TAFA4: variants seen among roughly 807,000 people sequenced by gnomAD.
TAFA4 encodes the protein TAFA chemokine like family member 4.
In TAFA4, 20 loss-of-function variants were observed where a neutral mutation model predicts 21.1. The observed-to-expected ratio is 0.95, with a 90% confidence interval of 0.67 to 1.38. The LOEUF is 1.38. Ranked by LOEUF, TAFA4 falls within the 40% of genes most tolerant of loss-of-function variation. TAFA4 has a pLI of 0.00. For synonymous variants in TAFA4, 71 were observed against 67.4 expected, an observed-to-expected ratio of 1.05 and a Z score of -0.26; for missense variants, 211 against 180.9, an observed-to-expected ratio of 1.17 and a Z score of -0.95.
intron 3 of TAFA4, among the ~76,000 whole-genome samples, chr3:68,860,623 A>G (rs1007209213): frequency 1.3e-5 from 2 of 152,104 alleles, no homozygotes; most frequent in Non-Finnish European, 2.9e-5. Flanking sequence ...TGTAAATTTG[A>G]ATGGAAAACC....
rs529842191 is a variant in TAFA4 at position 68,767,122 on chromosome 3, T to TA, written c.131-14105dup. On this transcript the variant is annotated intron_variant, in intron 3 of 5. Transcript: ENST00000295569. ...GGTTTTTGGTTACATGGATGAATTGTATAGTGGTGAAGTCTAAGATTTTAG... is the reference window on the plus strand; with the variant it reads ...GGTTTTTGGTTACATGGATGAATTGTAATAGTGGTGAAGTCTAAGATTTTAG... Among the ~76,000 whole-genome samples, 192 of 152,282 alleles carry TA rather than the reference T, an allele frequency of 1.3e-3. 1 individual carries two copies. Among genetic ancestry groups the TA allele is most frequent in the South Asian group, 3.5e-3 (17 of 4,826 alleles).
chr3:68,872,474 G>A (rs1403857801), intron 3 of TAFA4, among the ~76,000 whole-genome samples: 1 of 151,568 alleles, frequency 6.6e-6, no homozygotes, highest in East Asian at 1.9e-4. Flanking sequence ...GAAATATGAG[G>A]TAGTGTTCAA....
intron 3 of TAFA4, among the ~76,000 whole-genome samples, chr3:68,759,959 A>G (rs1324178294): frequency 6.6e-6 from 1 of 152,096 alleles, no homozygotes; most frequent in African/African-American, 2.4e-5. Context: ...TGTGCCAGAG[A>G]CTGTTCTTGG....
intron 1 of TAFA4, among the ~76,000 whole-genome samples, chr3:68,900,124 C>T (rs2314313): frequency 0.18 from 27,479 of 149,556 alleles, 3,162 homozygotes; most frequent in East Asian, 0.49. Flanking sequence ...CTGTGGTGAT[C>T]CCAGGTACTG....
chr3:68,914,967 C>T (rs148784011), intron 1 of TAFA4, among the ~76,000 whole-genome samples: 1 of 152,296 alleles, frequency 6.6e-6, no homozygotes, highest in East Asian at 1.9e-4. Flanking sequence ...CGTTTACATA[C>T]CATCGCAGGC....
intron 3 of TAFA4, among the ~76,000 whole-genome samples, chr3:68,759,270 T>C (rs1702716213): frequency 1.3e-5 from 2 of 152,194 alleles, no homozygotes; most frequent in South Asian, 4.1e-4. Context: ...AATCCATTGA[T>C]TCAAATGTTA....
intron 3 of TAFA4, among the ~76,000 whole-genome samples, chr3:68,803,504 T>C (rs981952801): frequency 6.6e-6 from 1 of 152,114 alleles, no homozygotes; most frequent in African/African-American, 2.4e-5. Flanking sequence ...TGATCGTTCA[T>C]AGGGGCCTGT....
intron 4 of TAFA4, among the ~76,000 whole-genome samples, chr3:68,747,820 C>T (rs772785570): frequency 2.6e-4 from 39 of 152,126 alleles, no homozygotes; most frequent in Non-Finnish European, 4.3e-4. Context: ...TCTCTTAAAA[C>T]GCAAATTCCC....
intron 3 of TAFA4, among the ~76,000 whole-genome samples, chr3:68,850,125 C>T (rs556085937): frequency 5.9e-5 from 9 of 152,246 alleles, no homozygotes; most frequent in African/African-American, 1.2e-4. Flanking sequence ...TACTACCTGA[C>T]GCACAAAGCG....
intron 3 of TAFA4, among the ~76,000 whole-genome samples, chr3:68,839,606 G>A (rs1370948722): frequency 1.3e-5 from 2 of 152,154 alleles, no homozygotes; most frequent in African/African-American, 4.8e-5. Flanking sequence ...TTTTCACACT[G>A]AGAAACGTAA....
chr3:68,795,577 C>T (rs1703440745), intron 3 of TAFA4, among the ~76,000 whole-genome samples: 1 of 152,116 alleles, frequency 6.6e-6, no homozygotes, highest in African/African-American at 2.4e-5. Context: ...TCCTGCTAAA[C>T]CAAAATTTAC....
chr3:68,855,434 C>T (rs1484164657), intron 3 of TAFA4, among the ~76,000 whole-genome samples: 3 of 152,094 alleles, frequency 2.0e-5, no homozygotes, highest in African/African-American at 7.2e-5. Context: ...TACTTTCAAA[C>T]ATTCTGTATA....
chr3:68,892,083 G>T (rs2089735531), intron 1 of TAFA4, among the ~76,000 whole-genome samples: 1 of 152,146 alleles, frequency 6.6e-6, no homozygotes, highest in Non-Finnish European at 1.5e-5. Flanking sequence ...TCAAGCACCT[G>T]ATACACGGCA....
intron 4 of TAFA4, among the ~76,000 whole-genome samples, chr3:68,741,749 G>A (rs977505470): frequency 2.6e-5 from 4 of 152,074 alleles, no homozygotes; most frequent in East Asian, 3.9e-4. Flanking sequence ...CTGAGATCAC[G>A]CCAGTGCATT....
intron 3 of TAFA4, among the ~76,000 whole-genome samples, chr3:68,816,425 C>T (rs560715793): frequency 2.6e-5 from 4 of 152,230 alleles, no homozygotes; most frequent in South Asian, 2.1e-4. Context: ...GTTGAAAAAT[C>T]GTTTATGTAC....
chr3:68,750,526 C>G (rs568955555), intron 4 of TAFA4, among the ~76,000 whole-genome samples: 1 of 152,336 alleles, frequency 6.6e-6, no homozygotes, highest in East Asian at 1.9e-4. Flanking sequence ...ACAAACCTAT[C>G]TCCAAATACA....
intron 3 of TAFA4, among the ~76,000 whole-genome samples, chr3:68,764,700 G>C (rs1018778684): frequency 6.6e-5 from 10 of 152,102 alleles, no homozygotes; most frequent in African/African-American, 2.4e-4. Flanking sequence ...TGTTTGTCTG[G>C]CTCTGGTTTT....
chr3:68,853,054 G>C (rs980578220), intron 3 of TAFA4, among the ~76,000 whole-genome samples: 1 of 151,948 alleles, frequency 6.6e-6, no homozygotes, highest in Non-Finnish European at 1.5e-5. Flanking sequence ...GAAATGCAAA[G>C]GTTCAATTAT....
chr3:68,774,913 T>C (rs891518339), intron 3 of TAFA4, among the ~76,000 whole-genome samples: 11 of 152,306 alleles, frequency 7.2e-5, no homozygotes, highest in African/African-American at 2.6e-4. Context: ...GGAGGCTCTA[T>C]ACTTGTTCTC....
Sources: allele counts gnomAD v4.1 joint callset (sites outside exome capture counted in the v4.1 genomes callset), GRCh38; gene constraint gnomAD v4.1.1; transcripts MANE v1.5; gene names NCBI Gene and HGNC (gene_info 2026-07-23, HGNC 2026-07-21).